The following SLC6A16 variants were observed in gnomAD, a reference collection of about 807,000 sequenced individuals.
SLC6A16 encodes solute carrier family 6 member 16.
A neutral mutation model predicts 65.4 loss-of-function variants in SLC6A16; 54 were observed. The ratio of observed to expected loss-of-function variants is 0.83; its 90% CI spans 0.66 to 1.04. The LOEUF is 1.04. Ranked by LOEUF, SLC6A16 falls within the 50% of genes least tolerant of loss-of-function variation. The probability of loss-of-function intolerance (pLI) is 0.00; values close to 1 mark genes in which losing one functional copy is unlikely to be tolerated. For synonymous variants in SLC6A16, 330 were observed against 346.5 expected (o/e 0.95, Z 0.53); for missense variants, 816 against 914.0 (o/e 0.89, Z 1.38).
chr19:49,339,201 T>C, the SLC6A16 span: 122 of 824,232 alleles, frequency 1.5e-4, 1 homozygote, highest in African/African-American at 2.4e-4. The surrounding 1 kb of genome is among the most constrained non-coding windows in gnomAD (Gnocchi z 4.5). Flanking sequence ...GTAAGGAGAC[T>C]AGAGTGCCCT....
chr19:49,337,735 CAG>C, the SLC6A16 span: 1 of 1,536,048 alleles, frequency 6.5e-7, no homozygotes, highest in African/African-American at 1.4e-5. Context: ...AAAGAAGAGA[CAG>C]AGACTTATGA....
chr19:49,309,532 G>T, intron 5 of SLC6A16, 119 bp downstream of exon 5: 1 of 1,260,898 alleles, frequency 7.9e-7, no homozygotes, highest in Admixed American at 2.0e-5. Context: ...TTCAGCAAGA[G>T]TCAGGGGCTA....
At chr19:49,313,181 A>G (rs914775711) in intron 1 of SLC6A16, among the ~76,000 whole-genome samples, 4 of 151,216 alleles carry the variant, frequency 2.6e-5, no homozygotes, top group Admixed American at 2.6e-4. Context: ...TTTTTTTCAG[A>G]CACAGGTTCT....
Position 49,290,149 on chromosome 19 carries a change from G to T in SLC6A16, c.2185C>A (p.Pro729Thr). 7 of 1,613,996 alleles carry T rather than the reference G, an allele frequency of 4.3e-6. No individual in the cohort carries two copies. Among genetic ancestry groups the T allele is most frequent in the Admixed American group, 1.7e-5 (1 of 60,006 alleles). The stretch of plus-strand genomic sequence containing the variant: ...TAGGAAGTCACATTACAAGTTGATG[G>T]GTACTTTGTTTCATCAACTTGTAGA... ...EILQVDETKY[P>T]STCNVTS The change falls in exon 12 of 12, where the codon CCA becomes ACA. Residue 729 changes from proline (P) to threonine (T), a missense_variant. Physicochemically the swap from Pro to Thr is conservative, Grantham distance 38. Transcript: ENST00000335875.
the SLC6A16 span, chr19:49,338,097 A>G: frequency 6.4e-7 from 1 of 1,570,920 alleles, no homozygotes; most frequent in Admixed American, 1.9e-5. The surrounding 1 kb of genome is among the most constrained non-coding windows in gnomAD (Gnocchi z 5.0). Context: ...AGGAGACTCC[A>G]CCCCAACGTG....
chr19:49,323,636 AAATGCAAATGAAAACTAC>A (rs1970751709), intron 1 of SLC6A16, among the ~76,000 whole-genome samples: 1 of 152,240 alleles, frequency 6.6e-6, no homozygotes, highest in Non-Finnish European at 1.5e-5. Flanking sequence ...ATCATTAAGG[AAATGCAAATGAAAACTAC>A]AATGAGATAA....
chr19:49,339,063 G>GCCCC, the SLC6A16 span: 1 of 812,054 alleles, frequency 1.2e-6, no homozygotes, highest in Non-Finnish European at 2.0e-6. The surrounding 1 kb of genome is among the most constrained non-coding windows in gnomAD (Gnocchi z 4.5). Flanking sequence ...CGGCAGGAGG[G>GCCCC]GCGGGGCCCT....
chr19:49,313,135 G>A (rs928753417), intron 1 of SLC6A16, among the ~76,000 whole-genome samples: 2 of 146,292 alleles, frequency 1.4e-5, no homozygotes, highest in African/African-American at 2.6e-5. Context: ...CCTTATCCCT[G>A]CTTTTACATT....
chr19:49,329,604 A>G (rs1414120301), upstream of SLC6A16, among the ~76,000 whole-genome samples: 3 of 149,834 alleles, frequency 2.0e-5, no homozygotes, highest in South Asian at 4.3e-4. Context: ...TAGCCTGGGC[A>G]ACATAGCAAG....
intron 7 of SLC6A16, among the ~76,000 whole-genome samples, chr19:49,300,493 G>A (rs544807149): frequency 1.3e-5 from 2 of 152,158 alleles, no homozygotes; most frequent in East Asian, 3.9e-4. Context: ...GAATTCTGGG[G>A]AAATCACTAA....
At chr19:49,335,756 A>G in the SLC6A16 span, 2 of 1,612,982 alleles carry the variant, frequency 1.2e-6, no homozygotes, top group Admixed American at 1.7e-5. The surrounding 1 kb of genome is among the most constrained non-coding windows in gnomAD (Gnocchi z 4.6). Context: ...CTGGATCCTC[A>G]TTGACAAGAC....
In SLC6A16 at chr19:49,311,309, T is replaced by G. The variant is rs1970517895; in HGVS notation, c.39A>C (p.Ala13=). Reference sequence around the variant, plus strand: ...TCACTGTGCCAGTCCATGAGGTGTTTGCCAGCAAGGATGTCGAAGGCTGGG... The same window carrying G: ...TCACTGTGCCAGTCCATGAGGTGTTGGCCAGCAAGGATGTCGAAGGCTGGG... ...TEAQPSTSLL[A]NTSWTGTVIS... Residue 13 remains alanine, a synonymous_variant, in exon 2 of 12, where the codon GCA becomes GCC. Coordinates refer to ENST00000335875, the MANE Select transcript of SLC6A16 (RefSeq NM_014037.3). 6.2e-7 allele frequency: 1 copy of G among 1,604,144 alleles called. No individual in the cohort carries two copies. Among genetic ancestry groups the G allele is most frequent in the Admixed American group, 1.7e-5 (1 of 58,152 alleles).
chr19:49,306,830 C>A (rs1970398168), intron 7 of SLC6A16, among the ~76,000 whole-genome samples: 1 of 152,062 alleles, frequency 6.6e-6, no homozygotes, highest in Non-Finnish European at 1.5e-5. Flanking sequence ...GCATGAGCCA[C>A]CGCACCCGGC....
chr19:49,317,195 G>A (rs1373933174), intron 1 of SLC6A16, among the ~76,000 whole-genome samples: 2 of 151,892 alleles, frequency 1.3e-5, no homozygotes, highest in Non-Finnish European at 2.9e-5. Context: ...ACAAAAATTA[G>A]CCAGGCATGG....
intron 1 of SLC6A16, among the ~76,000 whole-genome samples, chr19:49,321,924 CAAA>C (rs577442023): frequency 1.9e-5 from 2 of 106,988 alleles, no homozygotes. Context: ...CATGTCTCAG[CAAA>C]AAAAAAAAAA....
chr19:49,327,166 C>T (rs745402777), upstream of SLC6A16, among the ~76,000 whole-genome samples: 3 of 151,986 alleles, frequency 2.0e-5, no homozygotes, highest in East Asian at 1.9e-4. Flanking sequence ...CTCTGCCTCC[C>T]GGGTTCAAGC....
At position 49,294,389 on chromosome 19, in the gene SLC6A16, T is replaced by A; in HGVS notation, c.1394A>T (p.Asn465Ile). The change falls in exon 8 of 12, where the codon AAC becomes ATC. Residue 465 changes from asparagine to isoleucine, a missense_variant. By Grantham distance (149) the Asn-to-Ile change is moderately radical. Coordinates refer to ENST00000335875, the MANE Select transcript of SLC6A16 (RefSeq NM_014037.3). ...SMVLREVTEC[N>I]IETQFLKASE... ...GACCTTAAGAAACTGAGTCTCTATG[T>A]TGCACTCAGTCACCTCGCGGAGAAC... 6.2e-7 allele frequency: 1 copy of A among 1,614,094 alleles called. No homozygotes were observed.
At position 49,309,431 on chromosome 19, in the gene SLC6A16, T is replaced by C. The variant is rs765634898; in HGVS notation, c.877-20A>G. On this transcript the variant is annotated intron_variant, in intron 5 of 11. Transcript: ENST00000335875. ...GATTACCTGAATCGAGAGTGGGACA[T>C]ATCAGCAACCGTGTACCAGTAGGGG... 2 of 1,572,996 alleles carry C rather than the reference T, an allele frequency of 1.3e-6. No individual in the cohort carries two copies. Among genetic ancestry groups the C allele is most frequent in the Non-Finnish European group, 1.7e-6 (2 of 1,143,206 alleles).
Position 49,308,893 on chromosome 19 carries a change from T to C in SLC6A16, c.1212A>G (p.Thr404=), listed in dbSNP as rs769346410. ...GGCCTTACCTCTCACAGCAGCGATG[T>C]GTGATGACTGTCGCCCAGAAGCCCA... ...CVLGFWATVI[T]HRCCERNAEI... is the part of the protein sequence containing the mutation. Residue 404 remains threonine, a synonymous_variant, in exon 7 of 12, where the codon ACA becomes ACG. Coordinates refer to ENST00000335875, the MANE Select transcript of SLC6A16 (RefSeq NM_014037.3). The C allele has an allele frequency of 6.2e-7, 1 of 1,614,170 alleles. No homozygotes were observed.
Sources: gnomAD v4.1 joint callset for allele counts (sites outside exome capture counted in the v4.1 genomes callset) on GRCh38, gnomAD v4.1.1 for gene constraint, Gnocchi (gnomAD v3.1) non-coding constraint, MANE v1.5 for transcripts, NCBI Gene and HGNC (gene_info 2026-07-23, HGNC 2026-07-21) for gene names.